MMP16: variants seen among roughly 807,000 people sequenced by gnomAD.
MMP16 encodes matrix metallopeptidase 16.
A neutral mutation model predicts 67.8 loss-of-function variants in MMP16; 12 were observed. That is an observed-to-expected ratio of 0.18 (90% CI 0.11 to 0.29). The LOEUF (loss-of-function observed/expected upper bound fraction) is 0.29. Ranked by LOEUF, MMP16 falls within the 10% of genes least tolerant of loss-of-function variation. MMP16 has a pLI of 1.00. For synonymous variants in MMP16, 249 were observed against 255.9 expected (o/e 0.97, Z 0.26); for missense variants, 475 against 765.7 (o/e 0.62, Z 4.48).
intron 1 of MMP16, among the ~76,000 whole-genome samples, chr8:88,317,700 T>C (rs977419954): frequency 6.6e-6 from 1 of 152,146 alleles, no homozygotes; most frequent in Non-Finnish European, 1.5e-5. Flanking sequence ...TGTTAGTTGG[T>C]TTAGAAATAG....
At chr8:88,287,396 G>T (rs1201637533) in intron 1 of MMP16, among the ~76,000 whole-genome samples, 2 of 152,144 alleles carry the variant, frequency 1.3e-5, no homozygotes, top group Non-Finnish European at 2.9e-5. Context: ...AATGTCACTT[G>T]TTAGGAGAAA....
At chr8:88,174,891 T>C (rs1009974319) in intron 3 of MMP16, among the ~76,000 whole-genome samples, 2 of 151,956 alleles carry the variant, frequency 1.3e-5, no homozygotes, top group Non-Finnish European at 2.9e-5. Context: ...GTTGCAGGGA[T>C]AAAACGCACG....
chr8:88,071,521 A>T (rs1455824091), intron 7 of MMP16, among the ~76,000 whole-genome samples: 1 of 152,134 alleles, frequency 6.6e-6, no homozygotes, highest in Non-Finnish European at 1.5e-5. Flanking sequence ...GTAGAGAGAG[A>T]AGAAGAAAAC....
At chr8:88,291,814 AT>A (rs1416761729) in intron 1 of MMP16, among the ~76,000 whole-genome samples, 1 of 152,160 alleles carries the variant, frequency 6.6e-6, no homozygotes, top group East Asian at 1.9e-4. Context: ...AAATGAAAAC[AT>A]TTTCAATAGA....
chr8:88,268,787 T>C (rs1810519508), intron 1 of MMP16, among the ~76,000 whole-genome samples: 3 of 151,678 alleles, frequency 2.0e-5, no homozygotes, highest in Non-Finnish European at 4.4e-5. Flanking sequence ...ATAAGTATTC[T>C]TTCTCCATTT....
chr8:88,261,473 C>G (rs912690500), intron 1 of MMP16, among the ~76,000 whole-genome samples: 3 of 151,934 alleles, frequency 2.0e-5, no homozygotes, highest in Non-Finnish European at 4.4e-5. Context: ...AAATCCCACC[C>G]TAGCGTTCAT....
At chr8:88,307,941 C>T (rs998900113) in intron 1 of MMP16, among the ~76,000 whole-genome samples, 1 of 151,924 alleles carries the variant, frequency 6.6e-6, no homozygotes, top group Non-Finnish European at 1.5e-5. Context: ...TAAACTGCAA[C>T]ATAAGAAAAA....
intron 1 of MMP16, among the ~76,000 whole-genome samples, chr8:88,275,773 G>C (rs181158453): frequency 6.6e-6 from 1 of 151,824 alleles, no homozygotes; most frequent in Non-Finnish European, 1.5e-5. Flanking sequence ...AATACTCATA[G>C]TAACAATCCC....
At chr8:88,119,914 T>A (rs1226135592) in intron 4 of MMP16, among the ~76,000 whole-genome samples, 1 of 152,050 alleles carries the variant, frequency 6.6e-6, no homozygotes, top group Non-Finnish European at 1.5e-5. Flanking sequence ...GAAAACTCCT[T>A]TCCAACCACT....
chr8:88,135,442 A>T (rs961045750), intron 4 of MMP16, among the ~76,000 whole-genome samples: 82 of 151,938 alleles, frequency 5.4e-4, no homozygotes, highest in African/African-American at 1.9e-3. Context: ...CTAAGACAGA[A>T]GTATGTACAG....
intron 1 of MMP16, among the ~76,000 whole-genome samples, chr8:88,236,379 T>C (rs1288094075): frequency 6.6e-6 from 1 of 152,210 alleles, no homozygotes; most frequent in African/African-American, 2.4e-5. Context: ...ACTCATAAAC[T>C]AGCAGCTGCT....
chr8:88,079,879 C>A (rs377730384), intron 6 of MMP16, among the ~76,000 whole-genome samples: 19 of 152,278 alleles, frequency 1.2e-4, no homozygotes, highest in Non-Finnish European at 2.6e-4. Context: ...TACATAGAAT[C>A]AGCTGGTGCC....
At chr8:88,093,468 A>C (rs1191006025) in intron 6 of MMP16, among the ~76,000 whole-genome samples, 1 of 151,758 alleles carries the variant, frequency 6.6e-6, no homozygotes, top group Non-Finnish European at 1.5e-5. Flanking sequence ...AGCCTGGTCC[A>C]TAAACCTAAA....
At chr8:88,171,853 G>A (rs144092071) in intron 3 of MMP16, among the ~76,000 whole-genome samples, 1 of 149,248 alleles carries the variant, frequency 6.7e-6, no homozygotes, top group Admixed American at 6.7e-5. Flanking sequence ...TTGAGACGGA[G>A]TCTCATTCTG....
At chr8:88,261,398 A>G (rs1810386122) in intron 1 of MMP16, among the ~76,000 whole-genome samples, 1 of 152,122 alleles carries the variant, frequency 6.6e-6, no homozygotes, top group Admixed American at 6.5e-5. Flanking sequence ...CATCAGTTTT[A>G]TGAGGGGGAA....
At chr8:88,244,805 A>G (rs1205586107) in intron 1 of MMP16, among the ~76,000 whole-genome samples, 16 of 152,194 alleles carry the variant, frequency 1.1e-4, no homozygotes, top group Admixed American at 1.0e-3. Context: ...ATTATGTTAG[A>G]GAAAGATTTT....
intron 1 of MMP16, among the ~76,000 whole-genome samples, chr8:88,199,243 A>C (rs1049339282): frequency 1.3e-5 from 2 of 152,092 alleles, no homozygotes; most frequent in East Asian, 3.8e-4. Context: ...ACTATAAAAT[A>C]TGTAAATGTT....
In MMP16 at chr8:88,032,890, A is replaced by C. The variant is rs1021392566; in HGVS notation, c.*8571T>G. 2.0e-5 allele frequency: 3 copies of C among 152,122 alleles called. No homozygotes were observed. Among genetic ancestry groups the C allele is most frequent in the Admixed American group, 1.3e-4 (2 of 15,260 alleles). The allele number at this position is 152,122 out of a possible 1,614,324, so 9.4% of individuals were successfully genotyped here. On this transcript the variant is annotated 3_prime_UTR_variant, in exon 10 of 10. Transcript: ENST00000286614. ...TGAAATAGTGTTGAGTGTAATGAGA[A>C]CAATGCAGAAACTTAAATCTAGATT...
At chr8:88,204,489 G>A (rs1381323384) in intron 1 of MMP16, among the ~76,000 whole-genome samples, 1 of 151,806 alleles carries the variant, frequency 6.6e-6, no homozygotes, top group Non-Finnish European at 1.5e-5. Flanking sequence ...GTCAGTCAAA[G>A]AACTCTCAAA....
Sources: gnomAD v4.1 joint callset for allele counts (sites outside exome capture counted in the v4.1 genomes callset) on GRCh38, gnomAD v4.1.1 for gene constraint, MANE v1.5 for transcripts, NCBI Gene and HGNC (gene_info 2026-07-23, HGNC 2026-07-21) for gene names.